The following ABCA2 variants were observed in gnomAD, a reference collection of about 807,000 sequenced individuals.
ABCA2 encodes the protein ATP binding cassette subfamily A member 2.
ABCA2 carries 84 observed loss-of-function variants against 262.8 expected under a neutral mutation model. That is an observed-to-expected ratio of 0.32 (90% CI 0.27 to 0.38). The LOEUF is 0.38. Ranked by LOEUF, ABCA2 falls within the 10% of genes least tolerant of loss-of-function variation. ABCA2 has a pLI of 1.00. For synonymous variants in ABCA2, 1,696 were observed against 1,502.9 expected (o/e 1.13, Z -2.97); for missense variants, 2,662 against 3,405.9 (o/e 0.78, Z 5.44).
rs2131450131 is a variant in ABCA2 at position 137,016,722 on chromosome 9, G to C, written c.2775C>G (p.Pro925=). 1.3e-6 allele frequency: 2 copies of C among 1,561,620 alleles called. No homozygotes were observed. The highest frequency in any genetic ancestry group is 1.7e-6 in the Non-Finnish European group (2 of 1,155,178). ...EAVHPGMYGL[P]RPWYFPLQKS... The stretch of plus-strand genomic sequence containing the variant: ...TCTGCAGTGGGAAGTACCAGGGCCG[G>C]GGCAGCCCGTACATGCCTGGGGGTC... Residue 925 remains proline (P), a synonymous_variant, in exon 20 of 49, where the codon CCC becomes CCG. Transcript: ENST00000341511.
In ABCA2 at chr9:137,008,941, G is replaced by C. The variant is rs773629012; in HGVS notation, c.6930+10C>G. ...GCGCCCCCTCCACAACCCTGCCCGG[G>C]ACGGCGCACCTTGAGCATGGCTTCC... On this transcript the variant is annotated intron_variant, in intron 46 of 48. Transcript: ENST00000341511. 2 of 1,596,234 alleles carry C rather than the reference G, an allele frequency of 1.3e-6. No individual in the cohort carries two copies. Among genetic ancestry groups the C allele is most frequent in the East Asian group, 4.5e-5 (2 of 44,196 alleles).
chr9:137,020,407 G>A lies in ABCA2; in HGVS notation c.1354C>T (p.His452Tyr). Reference sequence around the variant, plus strand: ...ATTTTGGGGTTGCTGGTCATGAGGTGCACGAGGAGGCCCAGGTTCCGCTGC... The same window carrying A: ...ATTTTGGGGTTGCTGGTCATGAGGTACACGAGGAGGCCCAGGTTCCGCTGC... ...KEQRNLGLLV[H>Y]LMTSNPKILY... Residue 452 changes from histidine to tyrosine, a missense_variant, in exon 10 of 49, where the codon CAC (histidine) becomes TAC (tyrosine). This residue lies in a region of ABCA2 where 92 missense variants were observed against 146.7 expected (regional missense o/e 0.63). Transcript: ENST00000341511. The A allele has an allele frequency of 6.2e-7, 1 of 1,612,988 alleles. No individual in the cohort carries two copies. Among genetic ancestry groups the A allele is most frequent in the Non-Finnish European group, 8.5e-7 (1 of 1,179,976 alleles).
Position 137,018,229 on chromosome 9 carries a change from G to T in ABCA2, c.1942C>A (p.Pro648Thr). 1 of 1,610,952 alleles carries T rather than the reference G, an allele frequency of 6.2e-7. No homozygotes were observed. Residue 648 changes from proline (P) to threonine (T), a missense_variant, in exon 14 of 49, where the codon CCC (proline) becomes ACC (threonine). Physicochemically the swap from Pro to Thr is conservative, Grantham distance 38. Coordinates refer to ENST00000341511, the MANE Select transcript of ABCA2 (RefSeq NM_001606.5). ...AAGTAGAAGCGGCCGCCAGTATTGG[G>T]CCCAGGCCGCCAGTAGGCGCGGCGG... ...EIRRAYWRPG[P>T]NTGGRFYFLY... is the part of the protein sequence containing the mutation.
chr9:137,017,251 G>A lies in ABCA2; in HGVS notation c.2498C>T (p.Ala833Val), dbSNP rs1015795941. ...FLSYVPYMYV[A>V]IREEVAHDKI... ...ATCATGCGCCACCTCCTCTCGGATC[G>A]CCACGTACATGTAGGGCACGTAGCT... Residue 833 changes from alanine to valine, a missense_variant, in exon 18 of 49, where the codon GCG becomes GTG. Around this residue, in one of 12 missense-constraint regions of ABCA2, gnomAD observed 188 missense variants for 343.4 expected, o/e 0.55. Coordinates refer to ENST00000341511, the MANE Select transcript of ABCA2 (RefSeq NM_001606.5). 4.3e-6 allele frequency: 7 copies of A among 1,612,528 alleles called. No individual in the cohort carries two copies. The highest frequency in any genetic ancestry group is 1.1e-5 in the South Asian group (1 of 91,076).
intron 22 of ABCA2, 32 bp downstream of exon 22, chr9:137,015,930 C>T: frequency 6.6e-7 from 1 of 1,526,306 alleles, no homozygotes; most frequent in Non-Finnish European, 8.9e-7. Context: ...GGCCTCCGCC[C>T]ACCTGCCCCG....
Position 137,007,827 on chromosome 9 carries a change from G to T in ABCA2, c.*102C>A. 6.7e-7 allele frequency: 1 copy of T among 1,501,570 alleles called. No homozygotes were observed. Among genetic ancestry groups the T allele is most frequent in the Non-Finnish European group, 9.0e-7 (1 of 1,108,560 alleles). The allele number at this position is 1,501,570 out of a possible 1,614,324, so 93.0% of individuals were successfully genotyped here. A position where few individuals can be genotyped will look rare whatever the true frequency, so the allele number is the denominator to read the frequency against. On this transcript the variant is annotated 3_prime_UTR_variant, in exon 49 of 49. Coordinates refer to ENST00000341511, the MANE Select transcript of ABCA2 (RefSeq NM_001606.5). ...CCCTTGGTCCTGAACCTCCACTCCAGGCCCTGGCAGGCACTGGGGGACTTC... is the reference window on the plus strand; with the variant it reads ...CCCTTGGTCCTGAACCTCCACTCCATGCCCTGGCAGGCACTGGGGGACTTC...
chr9:137,009,209 C>T (rs1233498421), intron 45 of ABCA2, 156 bp from the exon 46 acceptor site: 2 of 954,422 alleles, frequency 2.1e-6, no homozygotes, highest in Non-Finnish European at 3.1e-6. Context: ...CTCCAGGCTC[C>T]TCCCCTGGCC....
In ABCA2 at chr9:137,016,123, G is replaced by A. The variant is rs376549378; in HGVS notation, c.3156C>T (p.Tyr1052=). 6.4e-5 allele frequency: 103 copies of A among 1,612,864 alleles called. No individual in the cohort carries two copies. The highest frequency in any genetic ancestry group is 2.0e-4 in the East Asian group (9 of 44,878). ...FPPTSGSATI[Y]GHDIRTEMDE... Reference sequence around the variant, plus strand: ...CCATCTCCGTGCGGATGTCGTGCCCGTAGATGGTGGCGGAACCCGACGTTG... The same window carrying A: ...CCATCTCCGTGCGGATGTCGTGCCCATAGATGGTGGCGGAACCCGACGTTG... The change falls in exon 22 of 49, where the codon TAC becomes TAT. Residue 1052 remains tyrosine (Y), a synonymous_variant. Transcript: ENST00000341511.
chr9:137,011,081 G>A lies in ABCA2; in HGVS notation c.5948C>T (p.Pro1983Leu), dbSNP rs774927650. The A allele has an allele frequency of 6.2e-6, 10 of 1,612,160 alleles. No individual in the cohort carries two copies. The highest frequency in any genetic ancestry group is 8.5e-6 in the Non-Finnish European group (10 of 1,179,760). The part of the protein sequence containing the change: ...KIGQFDKMKS[P>L]FEWDIVTRGL... The stretch of plus-strand genomic sequence containing the variant: ...GCGGGTGACAATGTCCCACTCGAAC[G>A]GGGACTTCATCTTGTCAAACTGGCC... Residue 1983 changes from proline to leucine, a missense_variant, in exon 39 of 49, where the codon CCG becomes CTG. Transcript: ENST00000341511. The surrounding 1 kb of genome is among the most constrained non-coding windows in gnomAD (Gnocchi z 8.8).
At position 137,010,869 on chromosome 9, in the gene ABCA2, C is replaced by A. The variant is rs1178108299; in HGVS notation, c.6056+104G>T. On this transcript the variant is annotated intron_variant, in intron 39 of 48. Coordinates refer to ENST00000341511, the MANE Select transcript of ABCA2 (RefSeq NM_001606.5). ...CCCCTCTGCTGTCCCCTGCCTCACCCCCTCCTGCCCCATCCCTGCCCCCAC... is the reference window on the plus strand; with the variant it reads ...CCCCTCTGCTGTCCCCTGCCTCACCACCTCCTGCCCCATCCCTGCCCCCAC... The A allele has an allele frequency of 1.4e-5, 17 of 1,178,318 alleles. No individual in the cohort carries two copies. The African/African-American group carries it at 2.3e-4, about 16-fold the overall frequency. 73.0% of individuals were successfully genotyped at this position (1,178,318 alleles called of 1,614,324 possible). A position where few individuals can be genotyped will look rare whatever the true frequency, so the allele number is the denominator to read the frequency against.
intron 3 of ABCA2, 43 bp downstream of exon 3, chr9:137,023,795 G>A (rs1197614234): frequency 1.3e-6 from 1 of 744,726 alleles, no homozygotes; most frequent in Non-Finnish European, 2.5e-6. Context: ...GCCCCCCGCA[G>A]CTGCTGCCCA....
chr9:137,016,205 G>A (rs540849059), intron 21 of ABCA2, 31 bp from the exon 22 acceptor site: 39 of 1,611,274 alleles, frequency 2.4e-5, no homozygotes, highest in African/African-American at 1.2e-4. Flanking sequence ...ATGACCCCAC[G>A]CCCTCTGCAG....
chr9:137,021,240 G>A lies in ABCA2; in HGVS notation c.897+152C>T. 1 of 1,271,332 alleles carries A rather than the reference G, an allele frequency of 7.9e-7. No individual in the cohort carries two copies. The highest frequency in any genetic ancestry group is 1.5e-5 in the African/African-American group (1 of 66,942). 78.8% of individuals were successfully genotyped at this position (1,271,332 alleles called of 1,614,324 possible). A position where few individuals can be genotyped will look rare whatever the true frequency, so the allele number is the denominator to read the frequency against. On this transcript the variant is annotated intron_variant, in intron 8 of 48. Transcript: ENST00000341511. This position sits in a 1 kb window ranked among gnomAD's most constrained non-coding sequence, Gnocchi z 6.0. ...AGCTGGGATGGTGAGCAGGAGTGGG[G>A]CACCAGCCATGGTGCCATTGGATAC...
chr9:137,024,656 C>G (rs1483502175), intron 1 of ABCA2, among the ~76,000 whole-genome samples: 1 of 152,242 alleles, frequency 6.6e-6, no homozygotes, highest in Non-Finnish European at 1.5e-5. Context: ...GTTCACCTTC[C>G]TCCCACTTCC....
intron 45 of ABCA2, 61 bp downstream of exon 45, chr9:137,009,309 C>T (rs1588505513): frequency 3.5e-6 from 5 of 1,437,166 alleles, no homozygotes; most frequent in Non-Finnish European, 4.6e-6. Flanking sequence ...CTCCTGGCCC[C>T]GCTGCCTGGC....
chr9:137,017,730 A>T lies in ABCA2; in HGVS notation c.2212-38T>A, dbSNP rs1023551097. The T allele has an allele frequency of 2.5e-6, 4 of 1,608,162 alleles. No homozygotes were observed. In the African/African-American group the frequency reaches 5.3e-5, roughly 21 times the overall value. On this transcript the variant is annotated intron_variant, in intron 16 of 48. Transcript: ENST00000341511. Reference sequence around the variant, plus strand: ...CAGGGGCTTGGGGCAGGCCCCGGGGAGGACGCCGCCCCTCCCTGCCAGCCC... The same window carrying T: ...CAGGGGCTTGGGGCAGGCCCCGGGGTGGACGCCGCCCCTCCCTGCCAGCCC...
Position 137,022,988 on chromosome 9 carries a change from C to T in ABCA2, c.228G>A (p.Pro76=), listed in dbSNP as rs564609506. The T allele has an allele frequency of 4.4e-6, 7 of 1,593,850 alleles. No individual in the cohort carries two copies. The highest frequency in any genetic ancestry group is 2.7e-5 in the African/African-American group (2 of 74,680). The change falls in exon 4 of 49, where the codon CCG becomes CCA. Residue 76 remains proline (P), a synonymous_variant. Coordinates refer to ENST00000341511, the MANE Select transcript of ABCA2 (RefSeq NM_001606.5). The part of the protein sequence containing the change: ...GILPVMQSLC[P]DGQRDEFGFL... Reference sequence around the variant, plus strand: ...AGCCGAACTCGTCTCGCTGGCCGTCCGGGCACAGCGATTGCATGACAGGCA... The same window carrying T: ...AGCCGAACTCGTCTCGCTGGCCGTCTGGGCACAGCGATTGCATGACAGGCA...
Position 137,014,147 on chromosome 9 carries a change from GC to G in ABCA2, c.4240+20del. 6.2e-7 allele frequency: 1 copy of G among 1,600,826 alleles called. No individual in the cohort carries two copies. Among genetic ancestry groups the G allele is most frequent in the South Asian group, 1.1e-5 (1 of 89,644 alleles). On this transcript the variant is annotated intron_variant, in intron 27 of 48. Coordinates refer to ENST00000341511, the MANE Select transcript of ABCA2 (RefSeq NM_001606.5). Reference sequence around the variant, plus strand: ...CTGCTCCCCCTCCCTTGCTGTCCCAGCCTCACCCTGCCACCCCCACCTTGCA... The same window carrying G: ...CTGCTCCCCCTCCCTTGCTGTCCCAGCTCACCCTGCCACCCCCACCTTGCA...
At chr9:137,020,585 G>A (rs1831416596) in intron 9 of ABCA2, 90 bp from the exon 10 acceptor site, 3 of 1,546,450 alleles carry the variant, frequency 1.9e-6, no homozygotes, top group Non-Finnish European at 2.6e-6. Context: ...GGACTTCGGG[G>A]CACAGGGCAG....
Sources: gnomAD v4.1 joint callset for allele counts (sites outside exome capture counted in the v4.1 genomes callset) on GRCh38, gnomAD v4.1.1 for gene constraint, gnomAD v4.1.1 regional missense constraint, Gnocchi (gnomAD v3.1) non-coding constraint, MANE v1.5 for transcripts, NCBI Gene and HGNC (gene_info 2026-07-23, HGNC 2026-07-21) for gene names.